MRRF: variants seen among roughly 807,000 people sequenced by gnomAD.
MRRF encodes the protein ribosome-recycling factor, mitochondrial.
A neutral mutation model predicts 25.1 loss-of-function variants in MRRF; 18 were observed. The ratio of observed to expected loss-of-function variants is 0.72; its 90% confidence interval spans 0.50 to 1.06. The LOEUF is 1.06. Ranked by LOEUF, MRRF falls within the 50% of genes least tolerant of loss-of-function variation. The probability of loss-of-function intolerance (pLI) is 0.00; values close to 1 mark genes in which losing one functional copy is unlikely to be tolerated. For synonymous variants in MRRF, 113 were observed against 112.1 expected (o/e 1.01, Z -0.05); for missense variants, 323 against 319.3 (o/e 1.01, Z -0.09).
chr9:122,280,733 G>A (rs904455785), intron 3 of MRRF, 135 bp downstream of exon 3: 4 of 759,586 alleles, frequency 5.3e-6, no homozygotes, highest in South Asian at 3.2e-5. Context: ...TCTGGTCCTC[G>A]GTTTTCTTGT....
At chr9:122,267,214 A>G (rs1426611869) in intron 1 of MRRF, among the ~76,000 whole-genome samples, 1 of 151,788 alleles carries the variant, frequency 6.6e-6, no homozygotes. Context: ...CCCCATCTCT[A>G]CTTAAAATAT....
At chr9:122,284,816 C>T (rs1297101092) in intron 3 of MRRF, among the ~76,000 whole-genome samples, 1 of 152,178 alleles carries the variant, frequency 6.6e-6, no homozygotes, top group East Asian at 1.9e-4. Flanking sequence ...GACAAGATCT[C>T]ACTCTGTTGC....
intron 6 of MRRF, among the ~76,000 whole-genome samples, chr9:122,317,135 G>A (rs1835583466): frequency 6.6e-6 from 1 of 151,446 alleles, no homozygotes; most frequent in South Asian, 2.1e-4. Context: ...AACGTCCCAA[G>A]TGTGGAATTA....
At chr9:122,265,620 G>A (rs1832022368) in intron 1 of MRRF, 11 of 488,244 alleles carry the variant, frequency 2.3e-5, no homozygotes, top group South Asian at 1.7e-4. Context: ...TAGTTGGAAA[G>A]AATGAAAACC....
At chr9:122,276,689 C>T (rs142183720) in intron 2 of MRRF, among the ~76,000 whole-genome samples, 1 of 152,118 alleles carries the variant, frequency 6.6e-6, no homozygotes, top group Non-Finnish European at 1.5e-5. Flanking sequence ...ATGGTTGTTT[C>T]ATAGAAGGTC....
intron 1 of MRRF, 73 bp from the exon 2 acceptor site, chr9:122,270,791 C>T (rs867840112): frequency 1.5e-5 from 17 of 1,151,660 alleles, no homozygotes; most frequent in African/African-American, 3.0e-5. Flanking sequence ...ATAATTGGTA[C>T]GAATTACCTG....
At chr9:122,286,087 C>T in intron 4 of MRRF, 1 of 1,273,586 alleles carries the variant, frequency 7.9e-7, no homozygotes, top group Non-Finnish European at 1.0e-6. Flanking sequence ...CCGGTCCCAT[C>T]TCTACCACCA....
At chr9:122,314,668 A>G (rs1405330802) in intron 6 of MRRF, among the ~76,000 whole-genome samples, 2 of 152,066 alleles carry the variant, frequency 1.3e-5, no homozygotes, top group South Asian at 4.1e-4. Context: ...TTTTTAGATG[A>G]TGGAGAGAGC....
intron 2 of MRRF, among the ~76,000 whole-genome samples, chr9:122,273,217 C>G (rs958695187): frequency 6.6e-6 from 1 of 152,048 alleles, no homozygotes; most frequent in Non-Finnish European, 1.5e-5. Flanking sequence ...TTTGGGAGGC[C>G]AAGGTGGTTG....
intron 2 of MRRF, among the ~76,000 whole-genome samples, chr9:122,272,775 T>G (rs186003731): frequency 6.6e-6 from 1 of 152,358 alleles, no homozygotes; most frequent in Admixed American, 6.5e-5. Context: ...TAATTGTGTC[T>G]TCTTTAAGAA....
rs767043366 is a variant in MRRF, at chr9:122,270,866, G to T, written c.-26G>T. On this transcript the variant is annotated splice_region_variant and 5_prime_UTR_variant, in exon 2 of 7. Transcript: ENST00000344641. Reference sequence around the variant, plus strand: ...GCTTTTTGTCTTATTCTTTTTAGTGGATGTTTCCAAGGATTGTCTTCAGTC... The same window carrying T: ...GCTTTTTGTCTTATTCTTTTTAGTGTATGTTTCCAAGGATTGTCTTCAGTC... 5.0e-6 allele frequency: 8 copies of T among 1,612,404 alleles called. No homozygotes were observed. Among genetic ancestry groups the T allele is most frequent in the Non-Finnish European group, 6.8e-6 (8 of 1,178,466 alleles).
At chr9:122,299,087 G>C (rs905528500) in intron 5 of MRRF, among the ~76,000 whole-genome samples, 1 of 151,848 alleles carries the variant, frequency 6.6e-6, no homozygotes, top group African/African-American at 2.4e-5. Context: ...GAGTGAGTGA[G>C]GAAAGAGAAA....
In MRRF at chr9:122,280,591, C is replaced by T. The variant is rs766304795; in HGVS notation, c.333C>T (p.Thr111=). 6.2e-7 allele frequency: 1 copy of T among 1,613,798 alleles called. No individual in the cohort carries two copies. The highest frequency in any genetic ancestry group is 2.2e-5 in the East Asian group (1 of 44,862). Residue 111 remains threonine (T), a synonymous_variant, in exon 3 of 7, where the codon ACC becomes ACT. Transcript: ENST00000344641. ...DNFNKTLNIR[T]SPGSLDKIAV... is the part of the protein sequence containing the mutation. ...TCAATAAGACTCTCAATATAAGGAC[C>T]TCACCAGGTTAGTGACTGAACCAAT... is the stretch of plus-strand genomic sequence containing the variant.
intron 1 of MRRF, among the ~76,000 whole-genome samples, chr9:122,269,178 A>T (rs1263134586): frequency 1.3e-5 from 2 of 150,238 alleles, no homozygotes; most frequent in South Asian, 2.1e-4. Flanking sequence ...AAAAAAAAAA[A>T]ATAATAATAA....
rs1481323281 is a variant in MRRF, at chr9:122,323,406, A to G, written c.*789A>G. The G allele has an allele frequency of 6.6e-6, 1 of 152,410 alleles. No homozygotes were observed. Among genetic ancestry groups the G allele is most frequent in the Non-Finnish European group, 1.5e-5 (1 of 68,180 alleles). 9.4% of individuals were successfully genotyped at this position (152,410 alleles called of 1,614,324 possible). A position where few individuals can be genotyped will look rare whatever the true frequency, so the allele number is the denominator to read the frequency against. ...CAGAACTTTGTGTAATGCCTGGAGC[A>G]TAGTAGGCAGTCATATGTTGTATCG... On this transcript the variant is annotated 3_prime_UTR_variant, in exon 7 of 7. Transcript: ENST00000344641.
intron 2 of MRRF, among the ~76,000 whole-genome samples, chr9:122,274,238 A>G (rs1832636309): frequency 1.3e-5 from 2 of 152,236 alleles, no homozygotes; most frequent in Non-Finnish European, 2.9e-5. Context: ...CCTGACTTCA[A>G]ATTATACCAC....
In MRRF at chr9:122,325,076, GAAATGAT is replaced by G. The variant is rs1334782382; in HGVS notation, c.*2464_*2470del. 6.6e-6 allele frequency: 1 copy of G among 152,190 alleles called. No individual in the cohort carries two copies. 9.4% of individuals were successfully genotyped at this position (152,190 alleles called of 1,614,324 possible). On this transcript the variant is annotated 3_prime_UTR_variant, in exon 7 of 7. Transcript: ENST00000344641. ...ATGCAGGATTTTTTAATAAACAGAG[GAAATGAT>G]AAATTATGTTGTAATTCCACTCCAA...
At chr9:122,279,749 T>G (rs919173916) in intron 2 of MRRF, among the ~76,000 whole-genome samples, 2 of 152,242 alleles carry the variant, frequency 1.3e-5, no homozygotes, top group African/African-American at 4.8e-5. Context: ...CCATTGGTAG[T>G]GTTTAATGTC....
intron 2 of MRRF, among the ~76,000 whole-genome samples, chr9:122,274,846 G>T (rs1274360313): frequency 6.6e-6 from 1 of 151,708 alleles, no homozygotes; most frequent in Non-Finnish European, 1.5e-5. Flanking sequence ...CCTTTTAAAA[G>T]AGTCTTTAAT....
Sources: gnomAD v4.1 joint callset for allele counts (sites outside exome capture counted in the v4.1 genomes callset) on GRCh38, gnomAD v4.1.1 for gene constraint, MANE v1.5 for transcripts, NCBI Gene and HGNC (gene_info 2026-07-23, HGNC 2026-07-21) for gene names.